Variants in VCP observed in about 807,000 individuals in gnomAD.
The protein encoded by VCP is transitional endoplasmic reticulum ATPase.
Under a neutral mutation model 85.7 loss-of-function variants are expected in VCP, and 6 were observed. That is an observed-to-expected ratio of 0.07 (90% CI 0.04 to 0.14). The LOEUF (loss-of-function observed/expected upper bound fraction) is 0.14. Among genes scored for constraint, VCP ranks in the 10% least tolerant of loss-of-function variants. The pLI, the probability that VCP is intolerant of heterozygous loss-of-function variation, is 1.00. For synonymous variants in VCP, 384 were observed against 367.1 expected (o/e 1.05, Z -0.53); for missense variants, 353 against 1,043.4 (o/e 0.34, Z 9.12).
rs1215617851 is a variant in VCP, at chr9:35,068,245, G to A, written c.129+6C>T. On this transcript the variant is annotated splice_donor_region_variant and intron_variant, in intron 2 of 16. Transcript: ENST00000358901. ...AAGGAAAGACTAGTCTGTGGCCACA[G>A]CTTACCTGGGACAAGGACACCACAC... 1 of 1,613,686 alleles carries A rather than the reference G, an allele frequency of 6.2e-7. No homozygotes were observed. Among genetic ancestry groups the A allele is most frequent in the South Asian group, 1.1e-5 (1 of 91,066 alleles).
In VCP at chr9:35,059,334, T is replaced by C. The variant is rs548638257; in HGVS notation, c.2005-115A>G. 8.3e-4 allele frequency: 1,281 copies of C among 1,545,834 alleles called. 13 individuals are homozygous for C. The South Asian group carries it at 0.014, about 17-fold the overall frequency. On this transcript the variant is annotated intron_variant, in intron 14 of 16. Coordinates refer to ENST00000358901, the MANE Select transcript of VCP (RefSeq NM_007126.5). This position sits in a 1 kb window ranked among gnomAD's most constrained non-coding sequence, Gnocchi z 4.9. ...TTTGCCCCTTCTTTGGCCACCCCAT[T>C]TTATTCCTGATTCTAGATTATCTTG...
At chr9:35,068,662 G>A (rs1221332234) in intron 1 of VCP, among the ~76,000 whole-genome samples, 2 of 152,144 alleles carry the variant, frequency 1.3e-5, no homozygotes, top group East Asian at 1.9e-4. Flanking sequence ...AGAAATGGAG[G>A]CTGAATAGTT....
intron 1 of VCP, 89 bp downstream of exon 1, chr9:35,072,248 C>T: frequency 6.8e-7 from 1 of 1,467,800 alleles, no homozygotes. Context: ...CTCTCTGACG[C>T]GCCCACGGCC....
chr9:35,066,671 T>C lies in VCP; in HGVS notation c.445+4A>G, dbSNP rs1415380095. Reference sequence around the variant, plus strand: ...TAATCCTTAAGCTCAGAATTAGCTCTCACCTTTCCGGATGGGTCGATACGC... The same window carrying C: ...TAATCCTTAAGCTCAGAATTAGCTCCCACCTTTCCGGATGGGTCGATACGC... On this transcript the variant is annotated splice_donor_region_variant and intron_variant, in intron 4 of 16. Transcript: ENST00000358901. The C allele has an allele frequency of 1.9e-6, 3 of 1,613,932 alleles. No individual in the cohort carries two copies. The highest frequency in any genetic ancestry group is 2.7e-5 in the African/African-American group (2 of 74,916).
In VCP at chr9:35,056,994, T is replaced by G; in HGVS notation, c.*123A>C. On this transcript the variant is annotated 3_prime_UTR_variant, in exon 17 of 17. Coordinates refer to ENST00000358901, the MANE Select transcript of VCP (RefSeq NM_007126.5). Reference sequence around the variant, plus strand: ...GTCCAGAGTCAGACTGTAGCTGAACTGTTCAGACTGGAGAATGGAGCAGGC... The same window carrying G: ...GTCCAGAGTCAGACTGTAGCTGAACGGTTCAGACTGGAGAATGGAGCAGGC... The G allele has an allele frequency of 1.1e-6, 1 of 932,106 alleles. No homozygotes were observed. 57.7% of individuals were successfully genotyped at this position (932,106 alleles called of 1,614,324 possible). A position where few individuals can be genotyped will look rare whatever the true frequency, so the allele number is the denominator to read the frequency against.
chr9:35,067,421 C>A (rs1322609245), intron 3 of VCP, among the ~76,000 whole-genome samples: 5 of 152,082 alleles, frequency 3.3e-5, no homozygotes, highest in African/African-American at 9.7e-5. Flanking sequence ...CTGGCTCCAA[C>A]TATTCCTCTC....
At chr9:35,063,600 A>C (rs1828769895) in intron 6 of VCP, among the ~76,000 whole-genome samples, 1 of 152,176 alleles carries the variant, frequency 6.6e-6, no homozygotes, top group Admixed American at 6.5e-5. Context: ...GAACATGTAA[A>C]CTGTCCACAT....
chr9:35,069,234 A>C (rs759114510), intron 1 of VCP, among the ~76,000 whole-genome samples: 2 of 152,244 alleles, frequency 1.3e-5, no homozygotes, highest in Non-Finnish European at 2.9e-5. Context: ...GCAAAAGTAC[A>C]CAATTCCATA....
intron 1 of VCP, 51 bp downstream of exon 1, chr9:35,072,286 C>T (rs1331080111): frequency 2.0e-6 from 3 of 1,485,864 alleles, no homozygotes; most frequent in East Asian, 5.7e-5. Flanking sequence ...CCCTGCGCGG[C>T]TGGTCCCGGT....
rs781606619 is a variant in VCP at position 35,057,525 on chromosome 9, T to C, written c.2166A>G (p.Val722=). Residue 722 remains valine, a synonymous_variant, in exon 16 of 17, where the codon GTA becomes GTG. Coordinates refer to ENST00000358901, the MANE Select transcript of VCP (RefSeq NM_007126.5). Reference sequence around the variant, plus strand: ...TCTCAGGCACTGGATCATCCTCTTCTACCTCCTATAGTTGGTAAACACAGA... The same window carrying C: ...TCTCAGGCACTGGATCATCCTCTTCCACCTCCTATAGTTGGTAAACACAGA... ...ERQTNPSAME[V]EEDDPVPEIR... The C allele has an allele frequency of 1.4e-5, 22 of 1,609,446 alleles. No individual in the cohort carries two copies. Among genetic ancestry groups the C allele is most frequent in the Non-Finnish European group, 1.8e-5 (21 of 1,180,028 alleles).
intron 1 of VCP, among the ~76,000 whole-genome samples, chr9:35,069,915 G>A (rs567726291): frequency 6.6e-6 from 1 of 152,310 alleles, no homozygotes; most frequent in South Asian, 2.1e-4. Flanking sequence ...ACCAGGCATT[G>A]TTCTAAGGGC....
Position 35,056,997 on chromosome 9 carries a change from T to C in VCP, c.*120A>G, listed in dbSNP as rs1162364914. 3.1e-6 allele frequency: 3 copies of C among 969,958 alleles called. No individual in the cohort carries two copies. The highest frequency in any genetic ancestry group is 4.9e-6 in the Non-Finnish European group (3 of 607,560). 60.1% of individuals were successfully genotyped at this position (969,958 alleles called of 1,614,324 possible). ...CAGAGTCAGACTGTAGCTGAACTGT[T>C]CAGACTGGAGAATGGAGCAGGCTGT... On this transcript the variant is annotated 3_prime_UTR_variant, in exon 17 of 17. Transcript: ENST00000358901.
Position 35,059,908 on chromosome 9 carries a change from G to T in VCP, c.1696-107C>A. On this transcript the variant is annotated intron_variant, in intron 13 of 16. Coordinates refer to ENST00000358901, the MANE Select transcript of VCP (RefSeq NM_007126.5). The surrounding 1 kb of genome is among the most constrained non-coding windows in gnomAD (Gnocchi z 4.9). ...AGCACTTTGGGAGGCCAAGGTGGGA[G>T]GATCACTTGAGGCCAGAAATCCGAA... is the stretch of plus-strand genomic sequence containing the variant. The T allele has an allele frequency of 6.9e-7, 1 of 1,446,656 alleles. No homozygotes were observed. Among genetic ancestry groups the T allele is most frequent in the Non-Finnish European group, 9.6e-7 (1 of 1,040,896 alleles). The allele number at this position is 1,446,656 out of a possible 1,614,324, so 89.6% of individuals were successfully genotyped here.
rs1179897856 is a variant in VCP at position 35,060,943 on chromosome 9, T to C, written c.1360-20A>G. ...GGCCCACTAGAAAAGGAGGGAAAAC[T>C]GGGGATGAGACTTATCAAGGGAGGG... On this transcript the variant is annotated intron_variant, in intron 11 of 16. Coordinates refer to ENST00000358901, the MANE Select transcript of VCP (RefSeq NM_007126.5). The C allele has an allele frequency of 1.2e-6, 2 of 1,614,208 alleles. No individual in the cohort carries two copies. The highest frequency in any genetic ancestry group is 2.2e-5 in the South Asian group (2 of 91,090).
chr9:35,061,633 T>C lies in VCP; in HGVS notation c.1138A>G (p.Ile380Val), dbSNP rs1457093327. 1 of 1,614,172 alleles carries C rather than the reference T, an allele frequency of 6.2e-7. No individual in the cohort carries two copies. The highest frequency in any genetic ancestry group is 1.1e-5 in the South Asian group (1 of 91,088). Residue 380 changes from isoleucine (I) to valine (V), a missense_variant, in exon 10 of 17, where the codon ATT becomes GTT. Transcript: ENST00000358901. ...GIPDATGRLE[I>V]LQIHTKNMKL... ...ATGTTCTTGGTATGGATCTGAAGAA[T>C]CTCTAAGCGTCCTGTAGCATCAGGA... is the stretch of plus-strand genomic sequence containing the variant.
chr9:35,056,920 G>A lies in VCP; in HGVS notation c.*197C>T, dbSNP rs760593200. ...ACTCTCCGCCTACCAAATGAAAATC[G>A]CTTTTATTTTATCGCTTTTGTTTTG... On this transcript the variant is annotated 3_prime_UTR_variant, in exon 17 of 17. Transcript: ENST00000358901. 1.5e-5 allele frequency: 9 copies of A among 613,542 alleles called. No individual in the cohort carries two copies. Among genetic ancestry groups the A allele is most frequent in the African/African-American group, 5.5e-5 (3 of 54,476 alleles). The allele number at this position is 613,542 out of a possible 1,614,324, so 38.0% of individuals were successfully genotyped here.
rs541161657 is a variant in VCP, at chr9:35,059,034, G to A, written c.2160+30C>T. On this transcript the variant is annotated intron_variant, in intron 15 of 16. Transcript: ENST00000358901. This position sits in a 1 kb window ranked among gnomAD's most constrained non-coding sequence, Gnocchi z 4.9. ...GGCTGCTGCCTGGCTCTCCATGATT[G>A]GCACATCTGGGGAAAGGATGCAGAC... 10 of 1,612,954 alleles carry A rather than the reference G, an allele frequency of 6.2e-6. No homozygotes were observed. The African/African-American group carries it at 1.3e-4, about 22-fold the overall frequency.
chr9:35,066,589 A>C, intron 4 of VCP, 86 bp downstream of exon 4: 1 of 1,515,926 alleles, frequency 6.6e-7, no homozygotes, highest in Non-Finnish European at 8.9e-7. Flanking sequence ...ATTTAAAAAA[A>C]AAAAAAGAAA....
Sources: allele counts gnomAD v4.1 joint callset (sites outside exome capture counted in the v4.1 genomes callset), GRCh38; gene constraint gnomAD v4.1.1; non-coding constraint Gnocchi (gnomAD v3.1); transcripts MANE v1.5; gene names NCBI Gene and HGNC (gene_info 2026-07-23, HGNC 2026-07-21).